Variants in SESN1 observed in about 807,000 individuals in gnomAD.
SESN1 encodes the protein sestrin-1.
Under a neutral mutation model 59.3 loss-of-function variants are expected in SESN1, and 30 were observed. The ratio of observed to expected loss-of-function variants is 0.51; its 90% CI spans 0.38 to 0.69. SESN1 has a LOEUF of 0.69. SESN1 is among the 30% of genes least tolerant of loss of function. The pLI is 0.00. For synonymous variants in SESN1, 197 were observed against 219.9 expected (o/e 0.90, Z 0.92); for missense variants, 566 against 673.0 (o/e 0.84, Z 1.76).
At chr6:109,016,476 A>G (rs1462408829) in intron 1 of SESN1, among the ~76,000 whole-genome samples, 1 of 152,138 alleles carries the variant, frequency 6.6e-6, no homozygotes, top group Non-Finnish European at 1.5e-5. Flanking sequence ...TTGCTTTCCA[A>G]GAGGGTATTA....
rs147279715 is a variant in SESN1 at position 109,089,586 on chromosome 6, G to A, written c.279+4209C>T. On this transcript the variant is annotated intron_variant, in intron 1 of 9. Coordinates refer to ENST00000436639, the MANE Select transcript of SESN1 (RefSeq NM_014454.3). ...CTATTTCTACTTGGATGTCTCATAG[G>A]CAACTTAAACTCAACATGTCTAAAA... is the stretch of plus-strand genomic sequence containing the variant. Among the ~76,000 whole-genome samples, 84 of 152,170 alleles carry A rather than the reference G, an allele frequency of 5.5e-4. 2 individuals are homozygous for A. In the East Asian group the frequency reaches 0.016, roughly 28 times the overall value.
At chr6:109,047,106 C>CA (rs1780460447) in intron 1 of SESN1, among the ~76,000 whole-genome samples, 1 of 11,938 alleles carries the variant, frequency 8.4e-5, no homozygotes, top group Non-Finnish European at 1.6e-4. Flanking sequence ...TCTGCCCGGC[C>CA]GCCCCTACTG....
In SESN1 at chr6:108,986,410, G is replaced by T. The variant is rs1437599438; in HGVS notation, c.*1134C>A. On this transcript the variant is annotated 3_prime_UTR_variant, in exon 10 of 10. Transcript: ENST00000436639. ...AAATTATTACTAATAGTGAAGTCAT[G>T]ATTTTTTAAGAGATTGAGACAGCAA... The T allele has an allele frequency of 1.3e-5, 2 of 152,616 alleles. No homozygotes were observed. The highest frequency in any genetic ancestry group is 1.9e-4 in the East Asian group (1 of 5,200). 9.5% of individuals were successfully genotyped at this position (152,616 alleles called of 1,614,324 possible).
intron 1 of SESN1, among the ~76,000 whole-genome samples, chr6:109,055,062 T>A (rs957973828): frequency 6.6e-6 from 1 of 152,182 alleles, no homozygotes; most frequent in Non-Finnish European, 1.5e-5. Flanking sequence ...TGGATACATT[T>A]TTGAGGCATG....
At chr6:109,090,499 T>C (rs1335326878) in intron 1 of SESN1, 3 of 152,228 alleles carry the variant, frequency 2.0e-5, no homozygotes, top group Admixed American at 6.5e-5. Context: ...ATATTTTGTA[T>C]GTTATACATA....
chr6:109,016,963 CTA>C (rs1479155622), intron 1 of SESN1, among the ~76,000 whole-genome samples: 1 of 151,770 alleles, frequency 6.6e-6, no homozygotes, highest in Non-Finnish European at 1.5e-5. Context: ...TGTTATGAGT[CTA>C]ATTTTTAAAA....
intron 1 of SESN1, among the ~76,000 whole-genome samples, chr6:109,067,254 A>T (rs934703738): frequency 7.2e-5 from 11 of 152,122 alleles, no homozygotes; most frequent in African/African-American, 2.7e-4. Flanking sequence ...AAGGGATTGT[A>T]TCACTGTCAC....
chr6:109,065,677 G>A (rs1780813067), intron 1 of SESN1, among the ~76,000 whole-genome samples: 1 of 152,042 alleles, frequency 6.6e-6, no homozygotes, highest in Non-Finnish European at 1.5e-5. Context: ...GTGTTCAGGT[G>A]TAGAAAAGAC....
intron 1 of SESN1, chr6:109,008,718 A>T: frequency 1.0e-6 from 1 of 954,158 alleles, no homozygotes; most frequent in Non-Finnish European, 1.2e-6. Context: ...GCAACCACTT[A>T]GAAAAAAACA....
chr6:108,987,498 T>C lies in SESN1; in HGVS notation c.*46A>G. The C allele has an allele frequency of 9.2e-7, 1 of 1,081,218 alleles. No individual in the cohort carries two copies. Among genetic ancestry groups the C allele is most frequent in the South Asian group, 1.3e-5 (1 of 77,660 alleles). 67.0% of individuals were successfully genotyped at this position (1,081,218 alleles called of 1,614,324 possible). On this transcript the variant is annotated 3_prime_UTR_variant, in exon 10 of 10. Coordinates refer to ENST00000436639, the MANE Select transcript of SESN1 (RefSeq NM_014454.3). ...GCTTAGTACCTTCCCCCTTGTAGAC[T>C]ATATCTGCTGATCATTCCAGAATCA...
At chr6:108,991,094 A>G (rs1372473890) in intron 7 of SESN1, among the ~76,000 whole-genome samples, 2 of 151,654 alleles carry the variant, frequency 1.3e-5, no homozygotes, top group East Asian at 3.9e-4. Context: ...AAAAAAAACT[A>G]ATAGTCTCTT....
At position 108,990,786 on chromosome 6, in the gene SESN1, G is replaced by A. The variant is rs1238842417; in HGVS notation, c.1283C>T (p.Pro428Leu). 1 of 1,613,874 alleles carries A rather than the reference G, an allele frequency of 6.2e-7. No individual in the cohort carries two copies. The highest frequency in any genetic ancestry group is 8.5e-7 in the Non-Finnish European group (1 of 1,180,006). The stretch of plus-strand genomic sequence containing the variant: ...TTCATCAATCAACTGTCCCACATCT[G>A]GATAAAGGCGATTTACCAAAGAATA... ...HGYSLVNRLY[P>L]DVGQLIDEKF... The change falls in exon 8 of 10, where the codon CCA becomes CTA. Residue 428 changes from proline to leucine, a missense_variant. Physicochemically the swap from Pro to Leu is moderately conservative, Grantham distance 98. Transcript: ENST00000436639.
chr6:108,994,485 T>C lies in SESN1; in HGVS notation c.1097A>G (p.Glu366Gly), dbSNP rs770462649. The part of the protein sequence containing the change: ...MASRFEIEKR[E>G]SMFVFSSDDE... ...ACCTGAAGAGAAGACAAACATACTC[T>C]CTCTTTTTTCTATTTCAAAACGTGA... The change falls in exon 6 of 10, where the codon GAG (glutamate) becomes GGG (glycine). Residue 366 changes from glutamate to glycine, a missense_variant. Coordinates refer to ENST00000436639, the MANE Select transcript of SESN1 (RefSeq NM_014454.3). 2 of 1,612,730 alleles carry C rather than the reference T, an allele frequency of 1.2e-6. No individual in the cohort carries two copies. The highest frequency in any genetic ancestry group is 1.7e-6 in the Non-Finnish European group (2 of 1,179,332).
chr6:109,012,141 A>G (rs1403717533), intron 1 of SESN1, among the ~76,000 whole-genome samples: 3 of 152,216 alleles, frequency 2.0e-5, no homozygotes, highest in East Asian at 1.9e-4. Context: ...AACACAGAAC[A>G]GTGATTACAA....
intron 5 of SESN1, 87 bp from the exon 6 acceptor site, chr6:108,994,696 A>ATT: frequency 4.8e-6 from 3 of 628,486 alleles, no homozygotes; most frequent in South Asian, 2.8e-5. Context: ...AAGAATTTAT[A>ATT]TCTTTTTTTT....
intron 1 of SESN1, among the ~76,000 whole-genome samples, chr6:109,003,381 G>C (rs1333908097): frequency 6.6e-6 from 1 of 151,610 alleles, no homozygotes; most frequent in Non-Finnish European, 1.5e-5. Flanking sequence ...ATGGGGTGGG[G>C]GTGGGTGCAC....
At chr6:109,081,649 G>A (rs1255199904) in intron 1 of SESN1, among the ~76,000 whole-genome samples, 1 of 152,098 alleles carries the variant, frequency 6.6e-6, no homozygotes, top group East Asian at 1.9e-4. Context: ...TTTTAAAGCA[G>A]ACAGGAAAGT....
intron 1 of SESN1, among the ~76,000 whole-genome samples, chr6:109,043,595 T>C (rs1780376168): frequency 6.6e-6 from 1 of 152,090 alleles, no homozygotes; most frequent in Non-Finnish European, 1.5e-5. Flanking sequence ...AACTGGAATT[T>C]GAAATTAAAA....
chr6:109,072,359 C>T (rs934736654), intron 1 of SESN1, among the ~76,000 whole-genome samples: 1 of 152,122 alleles, frequency 6.6e-6, no homozygotes, highest in African/African-American at 2.4e-5. Flanking sequence ...CTTCTATAGT[C>T]AGTAGTTTAC....
Sources: allele counts gnomAD v4.1 joint callset (sites outside exome capture counted in the v4.1 genomes callset), GRCh38; gene constraint gnomAD v4.1.1; transcripts MANE v1.5; gene names NCBI Gene and HGNC (gene_info 2026-07-23, HGNC 2026-07-21).